Variants in TLE7 observed in about 807,000 individuals in gnomAD.
TLE7 encodes the protein transducin-like enhancer protein 7.
At chr16:71,436,557 G>C (rs2042826759) in intron 1 of TLE7, among the ~76,000 whole-genome samples, 1 of 152,220 alleles carries the variant, frequency 6.6e-6, no homozygotes, top group African/African-American at 2.4e-5. Context: ...TACGTCTTTG[G>C]ACTGGATTCA....
chr16:71,432,681 G>A lies in TLE7; in HGVS notation c.377C>T (p.Ser126Leu), dbSNP rs928907524. The A allele has an allele frequency of 1.8e-5, 7 of 398,594 alleles. No individual in the cohort carries two copies. The highest frequency in any genetic ancestry group is 2.7e-5 in the Non-Finnish European group (6 of 226,124). The allele number at this position is 398,594 out of a possible 1,614,324, so 24.7% of individuals were successfully genotyped here. The change falls in exon 4 of 10, where the codon TCA (serine) becomes TTA (leucine). Residue 126 changes from serine (S) to leucine (L), a missense_variant. Transcript: ENST00000561754. Reference sequence around the variant, plus strand: ...GACACTTACAATTGCTCTGAGCAATGAGAGGACTTCTTCACTGGGAGAGGA... The same window carrying A: ...GACACTTACAATTGCTCTGAGCAATAAGAGGACTTCTTCACTGGGAGAGGA... ...SSSSPSEEVL[S>L]LLRAIPPIPD...
chr16:71,433,517 A>G (rs2042815452), intron 1 of TLE7, 97 bp from the exon 2 acceptor site: 5 of 394,444 alleles, frequency 1.3e-5, no homozygotes, highest in Admixed American at 8.8e-5. Context: ...AAAAGATTCA[A>G]AAGAGTGGTT....
chr16:71,438,199 G>A (rs1276389054), intron 1 of TLE7, among the ~76,000 whole-genome samples: 7 of 152,184 alleles, frequency 4.6e-5, no homozygotes, highest in Non-Finnish European at 8.8e-5. Context: ...TTGGGAGGCC[G>A]AGGCGGGTGG....
In TLE7 at chr16:71,430,747, G is replaced by A; in HGVS notation, c.1148-6C>T. On this transcript the variant is annotated splice_polypyrimidine_tract_variant and splice_region_variant and intron_variant, in intron 8 of 9. Coordinates refer to ENST00000561754, the MANE Select transcript of TLE7 (RefSeq NM_001367365.2). ...CGCGGTCACAAAATAGCTCCCTGGTGAAGGAACGAACAGGTGAGAGGCCAG... is the reference window on the plus strand; with the variant it reads ...CGCGGTCACAAAATAGCTCCCTGGTAAAGGAACGAACAGGTGAGAGGCCAG... 1 of 398,572 alleles carries A rather than the reference G, an allele frequency of 2.5e-6. No homozygotes were observed. The highest frequency in any genetic ancestry group is 4.4e-6 in the Non-Finnish European group (1 of 226,076). The allele number at this position is 398,572 out of a possible 1,614,324, so 24.7% of individuals were successfully genotyped here. A position where few individuals can be genotyped will look rare whatever the true frequency, so the allele number is the denominator to read the frequency against.
At chr16:71,439,137 G>A (rs757271681) in intron 1 of TLE7, among the ~76,000 whole-genome samples, 7 of 152,192 alleles carry the variant, frequency 4.6e-5, no homozygotes, top group Non-Finnish European at 7.3e-5. Context: ...CCTCTTTGAA[G>A]GGAAACTGAC....
At chr16:71,437,540 GT>G (rs763099692) in intron 1 of TLE7, among the ~76,000 whole-genome samples, 12,435 of 152,168 alleles carry the variant, frequency 0.082, 615 homozygotes, top group Middle Eastern at 0.16. Flanking sequence ...TTTCTAACAA[GT>G]TCCCGATGTG....
At chr16:71,436,707 G>A (rs1567556373) in intron 1 of TLE7, among the ~76,000 whole-genome samples, 1 of 152,208 alleles carries the variant, frequency 6.6e-6, no homozygotes, top group East Asian at 1.9e-4. Context: ...GCCAACAGTG[G>A]GTGACTGTGG....
chr16:71,435,140 C>T (rs1017845763), intron 1 of TLE7, among the ~76,000 whole-genome samples: 6 of 152,182 alleles, frequency 3.9e-5, no homozygotes, highest in Admixed American at 2.6e-4. Flanking sequence ...TGGCTAGGCA[C>T]GGTAGCTCAC....
chr16:71,441,705 G>C (rs1216535217), intron 1 of TLE7, among the ~76,000 whole-genome samples: 1 of 152,238 alleles, frequency 6.6e-6, no homozygotes, highest in Non-Finnish European at 1.5e-5. Flanking sequence ...GCAGACTTCC[G>C]GACGCAGGGC....
At chr16:71,441,779 C>A (rs2042849661) in intron 1 of TLE7, among the ~76,000 whole-genome samples, 190 bp downstream of exon 1, 1 of 152,326 alleles carries the variant, frequency 6.6e-6, no homozygotes, top group South Asian at 2.1e-4. Context: ...AAGCGCTGGC[C>A]CACGGCCGAC....
chr16:71,439,706 C>G (rs2042839956), intron 1 of TLE7, among the ~76,000 whole-genome samples: 1 of 152,126 alleles, frequency 6.6e-6, no homozygotes, highest in African/African-American at 2.4e-5. Flanking sequence ...TGACAGCCAC[C>G]AAAACCACAG....
intron 1 of TLE7, among the ~76,000 whole-genome samples, chr16:71,440,268 G>A (rs1475027092): frequency 6.6e-6 from 1 of 152,224 alleles, no homozygotes; most frequent in Non-Finnish European, 1.5e-5. Flanking sequence ...TCTGAAACTA[G>A]AGGGTGGTGA....
At chr16:71,435,040 C>A (rs558267785) in intron 1 of TLE7, among the ~76,000 whole-genome samples, 1 of 152,158 alleles carries the variant, frequency 6.6e-6, no homozygotes, top group East Asian at 1.9e-4. Flanking sequence ...CTGGCCAATG[C>A]CCAAATGGCC....
intron 1 of TLE7, among the ~76,000 whole-genome samples, chr16:71,441,300 G>GCCAGGC (rs2042846771): frequency 6.6e-6 from 1 of 152,242 alleles, no homozygotes; most frequent in Non-Finnish European, 1.5e-5. Context: ...GCCCAGGCTG[G>GCCAGGC]TCTTGAACTG....
chr16:71,431,472 G>C lies in TLE7; in HGVS notation c.942C>G (p.Ser314=), dbSNP rs1258965316. The part of the protein sequence containing the change: ...WTGGEDTILY[S]WDLRSYQRLH... ...GCCTCTGGTAGCTCCTCAGGTCCCA[G>C]GAATACAGGATGGTGTCTTCACCTC... Residue 314 remains serine (S), a synonymous_variant, in exon 7 of 10, where the codon TCC becomes TCG. Transcript: ENST00000561754. This position sits in a 1 kb window ranked among gnomAD's most constrained non-coding sequence, Gnocchi z 4.5. The C allele has an allele frequency of 5.0e-6, 2 of 400,684 alleles. No individual in the cohort carries two copies. Among genetic ancestry groups the C allele is most frequent in the African/African-American group, 4.1e-5 (2 of 48,710 alleles). 24.8% of individuals were successfully genotyped at this position (400,684 alleles called of 1,614,324 possible).
At chr16:71,441,647 C>T (rs1001267128) in intron 1 of TLE7, among the ~76,000 whole-genome samples, 1 of 152,206 alleles carries the variant, frequency 6.6e-6, no homozygotes, top group Non-Finnish European at 1.5e-5. Flanking sequence ...CACCAAGGGC[C>T]GGGGGCAGCA....
rs1596988711 is a variant in TLE7 at position 71,441,860 on chromosome 16, C to A, written c.-97+109G>T. On this transcript the variant is annotated intron_variant, in intron 1 of 9. Transcript: ENST00000561754. ...CCAGCCGGCGTCGCCGGCGCCAGCA[C>A]CTCCGCGGGCGGCCCCAGCCTGGGA... 5 of 152,436 alleles carry A rather than the reference C, an allele frequency of 3.3e-5. No individual in the cohort carries two copies. The South Asian group carries it at 1.0e-3, about 32-fold the overall frequency. 9.4% of individuals were successfully genotyped at this position (152,436 alleles called of 1,614,324 possible). A position where few individuals can be genotyped will look rare whatever the true frequency, so the allele number is the denominator to read the frequency against.
At position 71,431,484 on chromosome 16, in the gene TLE7, G is replaced by A. The variant is rs1567555470; in HGVS notation, c.930C>T (p.Thr310=). 7.5e-6 allele frequency: 3 copies of A among 400,622 alleles called. No individual in the cohort carries two copies. The highest frequency in any genetic ancestry group is 6.2e-5 in the African/African-American group (3 of 48,700). The allele number at this position is 400,622 out of a possible 1,614,324, so 24.8% of individuals were successfully genotyped here. The part of the protein sequence containing the change: ...GNIFWTGGED[T]ILYSWDLRSY... ...TCCTCAGGTCCCAGGAATACAGGATGGTGTCTTCACCTCCTGTCCAGAATA... is the reference window on the plus strand; with the variant it reads ...TCCTCAGGTCCCAGGAATACAGGATAGTGTCTTCACCTCCTGTCCAGAATA... Residue 310 remains threonine (T), a synonymous_variant, in exon 7 of 10, where the codon ACC becomes ACT. Transcript: ENST00000561754. This position sits in a 1 kb window ranked among gnomAD's most constrained non-coding sequence, Gnocchi z 4.5.
chr16:71,438,607 A>G (rs959098134), intron 1 of TLE7, among the ~76,000 whole-genome samples: 7 of 145,270 alleles, frequency 4.8e-5, no homozygotes, highest in African/African-American at 1.6e-4. Context: ...ACTTGAACCC[A>G]GGAGACAGAG....
Sources: allele counts gnomAD v4.1 joint callset (sites outside exome capture counted in the v4.1 genomes callset), GRCh38; gene constraint gnomAD v4.1.1; non-coding constraint Gnocchi (gnomAD v3.1); transcripts MANE v1.5; gene names NCBI Gene and HGNC (gene_info 2026-07-23, HGNC 2026-07-21).